IREB2: variants seen among roughly 807,000 people sequenced by gnomAD.
IREB2 encodes iron responsive element binding protein 2, also known as iron-responsive element-binding protein 2.
IREB2 carries 39 observed loss-of-function variants against 118.8 expected under a neutral mutation model. The ratio of observed to expected loss-of-function variants is 0.33; its 90% CI spans 0.25 to 0.43. The LOEUF (loss-of-function observed/expected upper bound fraction) is 0.43. Among genes scored for constraint, IREB2 ranks in the 20% least tolerant of loss-of-function variants. The pLI, the probability that IREB2 is intolerant of heterozygous loss-of-function variation, is 1.00. For missense variants in IREB2, 900 were observed against 1,147.3 expected (o/e 0.78, Z 3.11); for synonymous variants, 372 against 392.2 (o/e 0.95, Z 0.61).
At chr15:78,463,504 T>C (rs1243329573) in intron 3 of IREB2, among the ~76,000 whole-genome samples, 3 of 152,132 alleles carry the variant, frequency 2.0e-5, no homozygotes, top group Non-Finnish European at 4.4e-5. Context: ...TTTTTTGTTT[T>C]GTTTTGTTTT....
chr15:78,439,678 CAT>C (rs1406318029), intron 1 of IREB2, 115 bp from the exon 2 acceptor site: 7 of 633,400 alleles, frequency 1.1e-5, no homozygotes, highest in South Asian at 8.6e-5. Flanking sequence ...ACAGCTCAAA[CAT>C]AGAATATTTT....
intron 2 of IREB2, among the ~76,000 whole-genome samples, chr15:78,447,411 A>C (rs908423717): frequency 1.3e-5 from 2 of 150,878 alleles, no homozygotes; most frequent in African/African-American, 4.9e-5. Context: ...GCTCACTGCA[A>C]CCTCCGCCTA....
intron 1 of IREB2, 154 bp downstream of exon 1, chr15:78,438,510 C>G: frequency 1.2e-6 from 1 of 825,988 alleles, no homozygotes; most frequent in Non-Finnish European, 2.0e-6. Context: ...TGCTGGGCCG[C>G]CCTTTGAGCC....
intron 5 of IREB2, among the ~76,000 whole-genome samples, chr15:78,468,410 A>G (rs2051320791): frequency 6.6e-6 from 1 of 151,378 alleles, no homozygotes; most frequent in South Asian, 2.1e-4. Context: ...GGCCTGACTT[A>G]TTTTATCTAC....
chr15:78,440,023 ACTC>A (rs2050820709), intron 2 of IREB2, 142 bp downstream of exon 2: 3 of 565,154 alleles, frequency 5.3e-6, no homozygotes, highest in Admixed American at 3.9e-5. Context: ...CATTTTAAAA[ACTC>A]CTCCTGGGAC....
At chr15:78,455,318 G>A (rs956828457) in intron 2 of IREB2, among the ~76,000 whole-genome samples, 2 of 152,172 alleles carry the variant, frequency 1.3e-5, no homozygotes, top group African/African-American at 2.4e-5. Context: ...TATAGTTGGA[G>A]CACAAGAGCG....
chr15:78,495,090 CAT>C (rs1400655840), intron 20 of IREB2, among the ~76,000 whole-genome samples: 2 of 152,128 alleles, frequency 1.3e-5, no homozygotes, highest in Non-Finnish European at 2.9e-5. Context: ...AGTCATGTGA[CAT>C]GTGCTTTTTG....
intron 2 of IREB2, among the ~76,000 whole-genome samples, chr15:78,455,548 T>C (rs1049991287): frequency 1.5e-4 from 22 of 149,656 alleles, no homozygotes; most frequent in Non-Finnish European, 1.5e-5. Flanking sequence ...CTGGGCAACA[T>C]AGGAAAATCC....
At chr15:78,476,998 G>C (rs556725971) in intron 9 of IREB2, among the ~76,000 whole-genome samples, 1 of 152,114 alleles carries the variant, frequency 6.6e-6, no homozygotes, top group Non-Finnish European at 1.5e-5. Flanking sequence ...TCATTTCTAA[G>C]TATAGATATT....
chr15:78,445,019 T>C (rs963738414), intron 2 of IREB2, among the ~76,000 whole-genome samples: 16 of 152,250 alleles, frequency 1.1e-4, no homozygotes, highest in African/African-American at 3.9e-4. Flanking sequence ...AATACTTACA[T>C]TTTTGTGCAA....
rs1311589354 is a variant in IREB2, at chr15:78,490,699, T to C, written c.2262T>C (p.His754=). The change falls in exon 18 of 22, where the codon CAT becomes CAC. Residue 754 remains histidine, a synonymous_variant. Coordinates refer to ENST00000258886, the MANE Select transcript of IREB2 (RefSeq NM_004136.4). ...TGGGAGACTCTGTCACAACAGATCA[T>C]ATATCACCTGCAGGAAGTATCGCTA... ...LYLGDSVTTD[H]ISPAGSIARN... is the part of the protein sequence containing the mutation. 4 of 1,614,078 alleles carry C rather than the reference T, an allele frequency of 2.5e-6. No homozygotes were observed. The highest frequency in any genetic ancestry group is 3.4e-6 in the Non-Finnish European group (4 of 1,179,916).
chr15:78,484,624 G>A (rs2051628774), intron 11 of IREB2, 137 bp from the exon 12 acceptor site: 2 of 601,410 alleles, frequency 3.3e-6, no homozygotes, highest in East Asian at 5.5e-5. Flanking sequence ...GAATGTTATG[G>A]GCCTTTAGCA....
intron 2 of IREB2, among the ~76,000 whole-genome samples, chr15:78,452,485 T>C (rs1019472257): frequency 1.3e-5 from 2 of 152,166 alleles, no homozygotes; most frequent in Non-Finnish European, 2.9e-5. Flanking sequence ...TTGTACTCCC[T>C]GGAGGAAGCA....
At chr15:78,459,681 T>C (rs1003662662) in intron 2 of IREB2, among the ~76,000 whole-genome samples, 22 of 152,232 alleles carry the variant, frequency 1.4e-4, no homozygotes, top group African/African-American at 5.1e-4. Context: ...GAGTTCGTAT[T>C]CAGATTTTTC....
chr15:78,465,674 C>A (rs1398800955), intron 4 of IREB2, among the ~76,000 whole-genome samples: 1 of 151,254 alleles, frequency 6.6e-6, no homozygotes, highest in Non-Finnish European at 1.5e-5. Context: ...TGTTTTTTAA[C>A]CTACTTGTCT....
At chr15:78,490,270 C>G in intron 16 of IREB2, 152 bp from the exon 17 acceptor site, 1 of 519,556 alleles carries the variant, frequency 1.9e-6, no homozygotes, top group Middle Eastern at 2.9e-4. Context: ...AAAGAATACA[C>G]TCTTAATTTT....
intron 2 of IREB2, among the ~76,000 whole-genome samples, chr15:78,446,638 G>A (rs913326236): frequency 5.9e-5 from 9 of 152,096 alleles, no homozygotes; most frequent in African/African-American, 2.2e-4. Flanking sequence ...TCAGTCCCTA[G>A]CTTAGCTCTT....
At chr15:78,473,880 G>A (rs1168031366) in intron 8 of IREB2, 1 of 152,016 alleles carries the variant, frequency 6.6e-6, no homozygotes, top group Non-Finnish European at 1.5e-5. Context: ...AAAGTTGATT[G>A]TGTCGTCTTT....
At chr15:78,438,383 C>G in intron 1 of IREB2, 27 bp downstream of exon 1, 1 of 1,593,014 alleles carries the variant, frequency 6.3e-7, no homozygotes, top group Non-Finnish European at 8.5e-7. Flanking sequence ...CGAGCTGGGT[C>G]TGGCAGTTGG....
Sources: allele counts gnomAD v4.1 joint callset (sites outside exome capture counted in the v4.1 genomes callset), GRCh38; gene constraint gnomAD v4.1.1; transcripts MANE v1.5; gene names NCBI Gene and HGNC (gene_info 2026-07-23, HGNC 2026-07-21).